CPSF7: variants seen among roughly 807,000 people sequenced by gnomAD.
CPSF7 encodes the protein cleavage and polyadenylation specificity factor subunit 7.
Under a neutral mutation model 44.3 loss-of-function variants are expected in CPSF7, and 1 was observed. The observed-to-expected ratio is 0.02, with a 90% confidence interval of 0.01 to 0.11. The LOEUF is 0.11. CPSF7 is among the 10% of genes least tolerant of loss of function. CPSF7 has a pLI of 1.00. For missense variants in CPSF7, 443 were observed against 607.2 expected, an observed-to-expected ratio of 0.73 and a Z score of 2.84; for synonymous variants, 202 against 222.0, an observed-to-expected ratio of 0.91 and a Z score of 0.80.
intron 2 of CPSF7, among the ~76,000 whole-genome samples, chr11:61,425,889 A>C (rs1203191641): frequency 6.6e-6 from 1 of 152,186 alleles, no homozygotes. Context: ...GTGCTTAGCA[A>C]ACACAAGTAG....
At chr11:61,421,926 T>C (rs1193390396) in intron 2 of CPSF7, among the ~76,000 whole-genome samples, 1 of 152,232 alleles carries the variant, frequency 6.6e-6, no homozygotes, top group East Asian at 1.9e-4. Context: ...GGGCTGCTGT[T>C]ATCAATAAGG....
chr11:61,416,382 A>G lies in CPSF7; in HGVS notation c.661T>C (p.Ser221Pro), dbSNP rs532521319. 6.2e-7 allele frequency: 1 copy of G among 1,612,896 alleles called. No homozygotes were observed. The highest frequency in any genetic ancestry group is 1.1e-5 in the South Asian group (1 of 91,000). ...SVLPYFNRPP[S>P]ALPLMGLPPP... ...GGCAGACCCATCAGGGGAAGGGCCG[A>G]AGGAGGACGATTGAAGTAGGGCAGC... is the stretch of plus-strand genomic sequence containing the variant. The change falls in exon 6 of 10, where the codon TCG (serine) becomes CCG (proline). Residue 221 changes from serine to proline, a missense_variant. Coordinates refer to ENST00000439958, the MANE Select transcript of CPSF7 (RefSeq NM_001142565.3).
intron 1 of CPSF7, chr11:61,429,617 C>G (rs1326865568): frequency 2.9e-5 from 27 of 927,706 alleles, no homozygotes; most frequent in Non-Finnish European, 4.0e-5. Flanking sequence ...GCCCGCAGCC[C>G]CTATCCGCTG....
chr11:61,429,841 C>T (rs1861794104), intron 1 of CPSF7, 73 bp downstream of exon 1: 1 of 1,545,832 alleles, frequency 6.5e-7, no homozygotes, highest in Non-Finnish European at 8.7e-7. Context: ...CTCAACCGAC[C>T]CCCTTCCCGC....
chr11:61,420,170 T>C, intron 4 of CPSF7, 76 bp from the exon 5 acceptor site: 2 of 1,244,930 alleles, frequency 1.6e-6, no homozygotes, highest in Non-Finnish European at 2.3e-6. Context: ...TCTTCCACTT[T>C]TAGTAAAAAT....
intron 7 of CPSF7, among the ~76,000 whole-genome samples, chr11:61,412,505 G>A (rs933286629): frequency 2.0e-5 from 3 of 152,140 alleles, no homozygotes; most frequent in Non-Finnish European, 2.9e-5. Flanking sequence ...TAGCCAGGAT[G>A]GTCTTGATCT....
At chr11:61,429,823 C>G (rs1339493175) in intron 1 of CPSF7, 91 bp downstream of exon 1, 1 of 1,548,250 alleles carries the variant, frequency 6.5e-7, no homozygotes, top group Non-Finnish European at 8.7e-7. Context: ...AGACTCCGGC[C>G]GTCCCATCTC....
intron 1 of CPSF7, 148 bp from the exon 2 acceptor site, chr11:61,429,438 C>G: frequency 1.8e-6 from 1 of 543,452 alleles, no homozygotes; most frequent in Non-Finnish European, 3.2e-6. Context: ...CCCCCGGCCT[C>G]GCGCCGCCCA....
chr11:61,421,642 C>T, intron 2 of CPSF7, 34 bp from the exon 3 acceptor site: 1 of 1,453,696 alleles, frequency 6.9e-7, no homozygotes, highest in Non-Finnish European at 9.6e-7. Context: ...GGTAGGTCTG[C>T]AAACTTCATT....
At chr11:61,427,452 A>G (rs1260117764) in intron 2 of CPSF7, 1 of 152,116 alleles carries the variant, frequency 6.6e-6, no homozygotes, top group African/African-American at 2.4e-5. Flanking sequence ...CAGGCATTCG[A>G]GACCAACCTG....
intron 2 of CPSF7, 28 bp from the exon 3 acceptor site, chr11:61,421,636 G>A: frequency 6.6e-7 from 1 of 1,524,358 alleles, no homozygotes; most frequent in Non-Finnish European, 9.1e-7. Flanking sequence ...GGCAAAGGTA[G>A]GTCTGCAAAC....
Position 61,410,233 on chromosome 11 carries a change from GACC to G in CPSF7, c.*5+702_*5+704del, listed in dbSNP as rs1859734993. Among the ~76,000 whole-genome samples, 20 of 151,936 alleles carry G rather than the reference GACC, an allele frequency of 1.3e-4. No individual in the cohort carries two copies. The South Asian group carries it at 4.2e-3, about 32-fold the overall frequency. ...CCACCTCCACCTCCTAAGTAGCTGG[GACC>G]ACCACACTTGGCTAATTTTTGTATT... On this transcript the variant is annotated intron_variant, in intron 9 of 9. Transcript: ENST00000439958.
chr11:61,418,621 A>C (rs1860558953), intron 5 of CPSF7, among the ~76,000 whole-genome samples: 1 of 152,218 alleles, frequency 6.6e-6, no homozygotes, highest in Non-Finnish European at 1.5e-5. Flanking sequence ...CCAAATTAGC[A>C]TCAGAAAGTG....
At chr11:61,405,814 G>T (rs143238014) in intron 9 of CPSF7, 1 of 152,122 alleles carries the variant, frequency 6.6e-6, no homozygotes, top group African/African-American at 2.4e-5. Flanking sequence ...TTCAGCTTGG[G>T]TCCTCAGAAT....
In CPSF7 at chr11:61,421,464, T is replaced by G. The variant is rs1590720345; in HGVS notation, c.199A>C (p.Thr67Pro). Residue 67 changes from threonine (T) to proline (P), a missense_variant, in exon 3 of 10, where the codon ACC (threonine) becomes CCC (proline). By Grantham distance (38) the Thr-to-Pro change is conservative (BLOSUM62 -1). Transcript: ENST00000439958. ...QEPSPKPNNKTPAILYTYSGL... is the reference protein window; with the variant it reads ...QEPSPKPNNKPPAILYTYSGL... ...CTGTAGGTATACAGAATTGCAGGGG[T>G]CTTGTTGTTGGGCTTGGGAGATGGC... is the stretch of plus-strand genomic sequence containing the variant. 1 of 1,613,704 alleles carries G rather than the reference T, an allele frequency of 6.2e-7. No homozygotes were observed. Among genetic ancestry groups the G allele is most frequent in the Non-Finnish European group, 8.5e-7 (1 of 1,179,940 alleles).
rs1860333304 is a variant in CPSF7, at chr11:61,416,304, G to T, written c.739C>A (p.Pro247Thr). 6.4e-7 allele frequency: 1 copy of T among 1,554,392 alleles called. No individual in the cohort carries two copies. The highest frequency in any genetic ancestry group is 1.4e-5 in the African/African-American group (1 of 73,034). The change falls in exon 6 of 10, where the codon CCT (proline) becomes ACT (threonine). Residue 247 changes from proline to threonine, a missense_variant. Transcript: ENST00000439958. Reference protein sequence around the residue: ...PPLSSSFGVPPPPPGIHYQHL... With the variant: ...PPLSSSFGVPTPPPGIHYQHL... ...TGGTAGTGGATACCAGGAGGAGGAG[G>T]AGGGACCCCAAAGCTTGAGGAGAGA...
intron 5 of CPSF7, 98 bp from the exon 6 acceptor site, chr11:61,416,617 A>G: frequency 1.6e-6 from 2 of 1,277,078 alleles, no homozygotes; most frequent in South Asian, 1.3e-5. Flanking sequence ...CTACAAAGGA[A>G]GGTGACTAAA....
At chr11:61,412,652 A>G (rs1859959554) in intron 7 of CPSF7, among the ~76,000 whole-genome samples, 2 of 152,212 alleles carry the variant, frequency 1.3e-5, no homozygotes, top group African/African-American at 4.8e-5. Flanking sequence ...GGTTCTACAG[A>G]ATATTACATT....
At chr11:61,408,747 G>C (rs1859563982) in intron 9 of CPSF7, among the ~76,000 whole-genome samples, 1 of 152,204 alleles carries the variant, frequency 6.6e-6, no homozygotes, top group Non-Finnish European at 1.5e-5. Context: ...GAAAGCAACA[G>C]AGAAAAGCAG....
Sources: gnomAD v4.1 joint callset for allele counts (sites outside exome capture counted in the v4.1 genomes callset) on GRCh38, gnomAD v4.1.1 for gene constraint, MANE v1.5 for transcripts, NCBI Gene and HGNC (gene_info 2026-07-23, HGNC 2026-07-21) for gene names.